The following MCU variants were observed in gnomAD, a reference collection of about 807,000 sequenced individuals.
MCU encodes the protein calcium uniporter protein, mitochondrial.
In MCU, 12 loss-of-function variants were observed where a neutral mutation model predicts 45.2. The observed-to-expected ratio is 0.27, with a 90% CI of 0.17 to 0.43. The LOEUF (loss-of-function observed/expected upper bound fraction) is 0.43, where lower values mean the gene tolerates loss of function less well. Among genes scored for constraint, MCU ranks in the 20% least tolerant of loss-of-function variants. The probability of loss-of-function intolerance (pLI) is 1.00; values close to 1 mark genes in which losing one functional copy is unlikely to be tolerated. For missense variants in MCU, 324 were observed against 436.7 expected (o/e 0.74, Z 2.30); for synonymous variants, 160 against 165.1 (o/e 0.97, Z 0.24).
chr10:72,882,818 T>G (rs1192867278), intron 6 of MCU, among the ~76,000 whole-genome samples: 2 of 152,176 alleles, frequency 1.3e-5, no homozygotes, highest in Non-Finnish European at 2.9e-5. Flanking sequence ...TCCCTCCCCT[T>G]TTGAAAGTCC....
chr10:72,830,608 T>C (rs943972119), intron 1 of MCU, among the ~76,000 whole-genome samples: 1 of 152,220 alleles, frequency 6.6e-6, no homozygotes, highest in Non-Finnish European at 1.5e-5. Context: ...TAAAAGTTAC[T>C]ACATAAACAA....
intron 1 of MCU, among the ~76,000 whole-genome samples, chr10:72,811,335 A>C (rs1844541234): frequency 3.3e-5 from 5 of 152,308 alleles, no homozygotes; most frequent in South Asian, 4.1e-4. Context: ...CGAACTTGTT[A>C]ATGTGTTCAT....
At chr10:72,844,602 A>C (rs1324046439) in intron 2 of MCU, among the ~76,000 whole-genome samples, 1 of 152,056 alleles carries the variant, frequency 6.6e-6, no homozygotes, top group Non-Finnish European at 1.5e-5. Flanking sequence ...TTCTGAGGAT[A>C]TTTTTGCGGT....
At chr10:72,768,827 TC>T (rs58094793) in intron 1 of MCU, among the ~76,000 whole-genome samples, 6,875 of 152,208 alleles carry the variant, frequency 0.045, 256 homozygotes, top group East Asian at 0.19. Flanking sequence ...GGAGTTCTAT[TC>T]CAAGCCGCTG....
At chr10:72,715,423 T>C (rs1213135667) in intron 1 of MCU, among the ~76,000 whole-genome samples, 1 of 152,152 alleles carries the variant, frequency 6.6e-6, no homozygotes, top group African/African-American at 2.4e-5. Context: ...AATAGAATAT[T>C]TTTACTATGG....
At chr10:72,827,877 T>C (rs1844821059) in intron 1 of MCU, among the ~76,000 whole-genome samples, 1 of 152,170 alleles carries the variant, frequency 6.6e-6, no homozygotes, top group Non-Finnish European at 1.5e-5. Flanking sequence ...TCCAGTGTTT[T>C]CCCCCACTAT....
rs572771368 is a variant in MCU at position 72,711,405 on chromosome 10, G to A, written c.150+19104G>A. On this transcript the variant is annotated intron_variant, in intron 1 of 7. Coordinates refer to ENST00000373053, the MANE Select transcript of MCU (RefSeq NM_138357.3). The stretch of plus-strand genomic sequence containing the variant: ...CCAACTAATTTTTGTATTTTCAGTA[G>A]ACATGAGGTTTTGCCATGTTGGCCA... Among the ~76,000 whole-genome samples the A allele has an allele frequency of 5.9e-5, 9 of 151,746 alleles. No individual in the cohort carries two copies. In the East Asian group the frequency reaches 1.8e-3, roughly 30 times the overall value.
chr10:72,769,034 T>G (rs1485315998), intron 1 of MCU, among the ~76,000 whole-genome samples: 1 of 152,086 alleles, frequency 6.6e-6, no homozygotes, highest in African/African-American at 2.4e-5. Context: ...TTTTTTTCTT[T>G]TAAGAGATAT....
intron 4 of MCU, among the ~76,000 whole-genome samples, chr10:72,865,363 T>G (rs917058486): frequency 2.6e-5 from 4 of 152,166 alleles, no homozygotes; most frequent in Non-Finnish European, 5.9e-5. Flanking sequence ...AAGTGTGAAC[T>G]TAAGTAATTC....
At chr10:72,878,053 A>G (rs1248622333) in intron 6 of MCU, among the ~76,000 whole-genome samples, 2 of 150,258 alleles carry the variant, frequency 1.3e-5, no homozygotes. Flanking sequence ...AACATAAATC[A>G]TCCCTGGGAG....
intron 1 of MCU, among the ~76,000 whole-genome samples, chr10:72,772,478 C>T (rs2132738604): frequency 6.6e-6 from 1 of 152,368 alleles, no homozygotes; most frequent in Admixed American, 6.5e-5. Flanking sequence ...GGGCAGATTG[C>T]TTGAGGCCAG....
At chr10:72,787,597 C>T (rs1844093742) in intron 1 of MCU, among the ~76,000 whole-genome samples, 1 of 152,062 alleles carries the variant, frequency 6.6e-6, no homozygotes, top group African/African-American at 2.4e-5. Flanking sequence ...TCTCATTTGG[C>T]ATTTAAGCGT....
chr10:72,764,048 G>C (rs1165251134), intron 1 of MCU, among the ~76,000 whole-genome samples: 1 of 152,064 alleles, frequency 6.6e-6, no homozygotes, highest in African/African-American at 2.4e-5. Context: ...AGTTTAGGTT[G>C]AACTGTTATA....
intron 4 of MCU, among the ~76,000 whole-genome samples, chr10:72,862,112 G>A (rs1325287060): frequency 6.6e-6 from 1 of 151,570 alleles, no homozygotes; most frequent in African/African-American, 2.4e-5. Context: ...CTCCTGAGTA[G>A]CTGGGACTAC....
At chr10:72,751,300 G>T (rs1843491251) in intron 1 of MCU, among the ~76,000 whole-genome samples, 1 of 133,376 alleles carries the variant, frequency 7.5e-6, no homozygotes, top group South Asian at 2.6e-4. Context: ...ACCGCACCCA[G>T]CCTCAAATGG....
chr10:72,810,637 T>G (rs571207449), intron 1 of MCU, among the ~76,000 whole-genome samples: 64 of 143,644 alleles, frequency 4.5e-4, no homozygotes, highest in East Asian at 1.4e-3. Flanking sequence ...CCAGCTAGGT[T>G]GTTGTTGTTG....
intron 1 of MCU, among the ~76,000 whole-genome samples, chr10:72,696,149 G>C (rs1417437145): frequency 2.1e-5 from 2 of 95,190 alleles, no homozygotes; most frequent in Non-Finnish European, 3.7e-5. Flanking sequence ...GCGAAAGAGC[G>C]AAACTCCGAC....
chr10:72,831,435 A>G (rs1844877361), intron 1 of MCU, among the ~76,000 whole-genome samples: 1 of 152,182 alleles, frequency 6.6e-6, no homozygotes, highest in African/African-American at 2.4e-5. Context: ...GGATTTTTAT[A>G]TGTTACAGTA....
At chr10:72,822,619 G>C (rs1364083557) in intron 1 of MCU, among the ~76,000 whole-genome samples, 1 of 152,166 alleles carries the variant, frequency 6.6e-6, no homozygotes, top group African/African-American at 2.4e-5. Flanking sequence ...ACTTATAAGA[G>C]AAATGGAAAT....
Sources: gnomAD v4.1 joint callset for allele counts (sites outside exome capture counted in the v4.1 genomes callset) on GRCh38, gnomAD v4.1.1 for gene constraint, MANE v1.5 for transcripts, NCBI Gene and HGNC (gene_info 2026-07-23, HGNC 2026-07-21) for gene names.